Variants in GNA12 observed in about 807,000 individuals in gnomAD.
The protein encoded by GNA12 is guanine nucleotide-binding protein subunit alpha-12.
A neutral mutation model predicts 26.0 loss-of-function variants in GNA12; 9 were observed. The ratio of observed to expected loss-of-function variants is 0.35; its 90% CI spans 0.21 to 0.60. GNA12 has a LOEUF of 0.60. GNA12 is among the 20% of genes least tolerant of loss of function. The probability of loss-of-function intolerance (pLI) is 0.78; values close to 1 mark genes in which losing one functional copy is unlikely to be tolerated. For synonymous variants in GNA12, 264 were observed against 219.6 expected, an observed-to-expected ratio of 1.20 and a Z score of -1.79; for missense variants, 405 against 525.8, an observed-to-expected ratio of 0.77 and a Z score of 2.25.
chr7:2,742,877 C>G (rs1790579475), intron 2 of GNA12, among the ~76,000 whole-genome samples: 1 of 152,202 alleles, frequency 6.6e-6, no homozygotes. Flanking sequence ...TGTATATTGG[C>G]TTGTGCCTAG....
At chr7:2,772,409 AATT>A (rs1791971365) in intron 2 of GNA12, among the ~76,000 whole-genome samples, 1 of 152,040 alleles carries the variant, frequency 6.6e-6, no homozygotes, top group African/African-American at 2.4e-5. Context: ...AAATGCAAAA[AATT>A]AGCCGGGCGT....
Position 2,844,297 on chromosome 7 carries a change from A to C in GNA12, c.-136T>G. On this transcript the variant is annotated 5_prime_UTR_variant, in exon 1 of 4. Coordinates refer to ENST00000275364, the MANE Select transcript of GNA12 (RefSeq NM_007353.3). ...AGGCCGCGTCCGCCGCCGCCGCTGC[A>C]GTCGCTCCGAGGCCCGCACTCGTCG... is the stretch of plus-strand genomic sequence containing the variant. The C allele has an allele frequency of 3.6e-6, 1 of 275,918 alleles. No individual in the cohort carries two copies. The highest frequency in any genetic ancestry group is 5.5e-6 in the Non-Finnish European group (1 of 182,536). 17.1% of individuals were successfully genotyped at this position (275,918 alleles called of 1,614,324 possible).
chr7:2,740,318 G>A (rs766309373), intron 2 of GNA12, among the ~76,000 whole-genome samples: 23 of 152,122 alleles, frequency 1.5e-4, no homozygotes, highest in Non-Finnish European at 3.1e-4. Flanking sequence ...ACTTTGGGAG[G>A]TGACTGAAGG....
chr7:2,782,782 G>A (rs7811164), intron 2 of GNA12, among the ~76,000 whole-genome samples: 23,109 of 151,714 alleles, frequency 0.15, 2,005 homozygotes, highest in African/African-American at 0.22. Flanking sequence ...AGTGTTAAAC[G>A]TGCATTACAC....
chr7:2,832,250 T>C (rs1583316130), intron 1 of GNA12, among the ~76,000 whole-genome samples: 1 of 152,200 alleles, frequency 6.6e-6, no homozygotes, highest in African/African-American at 2.4e-5. Context: ...TGTCCTCCCG[T>C]TGTGTTTCCT....
chr7:2,832,569 CGGCTT>C (rs1778708783), intron 1 of GNA12, among the ~76,000 whole-genome samples: 1 of 152,096 alleles, frequency 6.6e-6, no homozygotes, highest in Non-Finnish European at 1.5e-5. Context: ...AGTTTCTGTT[CGGCTT>C]GGCTTAAGTA....
intron 2 of GNA12, chr7:2,763,014 G>T: frequency 5.5e-6 from 7 of 1,277,028 alleles, no homozygotes; most frequent in Non-Finnish European, 6.9e-6. Flanking sequence ...CAACAGCCCC[G>T]CCGGCCACTG....
At chr7:2,840,600 T>C (rs1778964158) in intron 1 of GNA12, among the ~76,000 whole-genome samples, 2 of 152,226 alleles carry the variant, frequency 1.3e-5, no homozygotes, top group South Asian at 2.1e-4. Context: ...ATTTCACACA[T>C]GTAATCCCAG....
chr7:2,839,727 G>C lies in GNA12; in HGVS notation c.309+4126C>G, dbSNP rs536366544. On this transcript the variant is annotated intron_variant, in intron 1 of 3. Transcript: ENST00000275364. ...CAAAATTATCGAATTAAAGAACAGA[G>C]GCGGGGCACGGCGTCTCACATCTGG... Among the ~76,000 whole-genome samples the C allele has an allele frequency of 2.6e-5, 4 of 152,316 alleles. No homozygotes were observed. The South Asian group carries it at 8.3e-4, about 32-fold the overall frequency.
intron 2 of GNA12, chr7:2,762,915 A>C: frequency 7.1e-7 from 1 of 1,411,754 alleles, no homozygotes; most frequent in Non-Finnish European, 9.3e-7. Context: ...AGAAGAGGCC[A>C]CAGGCGGGGA....
intron 3 of GNA12, among the ~76,000 whole-genome samples, chr7:2,733,021 A>G (rs986997576): frequency 2.6e-5 from 4 of 152,118 alleles, no homozygotes; most frequent in African/African-American, 9.7e-5. Context: ...TGCGGTTGTC[A>G]TTTTTCGTCT....
At chr7:2,769,944 T>A (rs1791906753) in intron 2 of GNA12, among the ~76,000 whole-genome samples, 1 of 152,188 alleles carries the variant, frequency 6.6e-6, no homozygotes, top group South Asian at 2.1e-4. Flanking sequence ...AGTGTTTTTG[T>A]TTTTTTAAAT....
At position 2,844,053 on chromosome 7, in the gene GNA12, G is replaced by A. The variant is rs991432234; in HGVS notation, c.109C>T (p.Arg37Trp). The A allele has an allele frequency of 6.7e-5, 84 of 1,246,036 alleles. No homozygotes were observed. The highest frequency in any genetic ancestry group is 7.8e-5 in the Non-Finnish European group (77 of 990,600). 77.2% of individuals were successfully genotyped at this position (1,246,036 alleles called of 1,614,324 possible). Residue 37 changes from arginine (R) to tryptophan (W), a missense_variant, in exon 1 of 4, where the codon CGG (arginine) becomes TGG (tryptophan). Coordinates refer to ENST00000275364, the MANE Select transcript of GNA12 (RefSeq NM_007353.3). ...SGARDAEREA[R>W]RRSRDIDALL... ...GCGTCGATGTCGCGGCTACGCCTCC[G>A]GGCCTCGCGCTCCGCGTCGCGCGCG...
intron 2 of GNA12, among the ~76,000 whole-genome samples, chr7:2,766,050 T>C (rs1791793472): frequency 1.3e-5 from 2 of 152,198 alleles, no homozygotes; most frequent in Non-Finnish European, 2.9e-5. Flanking sequence ...ATTAACGTTG[T>C]TGTGAAACCG....
intron 1 of GNA12, among the ~76,000 whole-genome samples, chr7:2,797,082 G>C (rs980267783): frequency 1.3e-5 from 2 of 152,220 alleles, no homozygotes; most frequent in Non-Finnish European, 2.9e-5. Flanking sequence ...ACTCAGGCCA[G>C]CTGAGAGCAG....
At chr7:2,836,235 G>C (rs916864644) in intron 1 of GNA12, among the ~76,000 whole-genome samples, 1 of 152,182 alleles carries the variant, frequency 6.6e-6, no homozygotes, top group African/African-American at 2.4e-5. Context: ...GCACAACTGT[G>C]ATCAAGATGG....
At chr7:2,790,460 T>C (rs149540240) in intron 2 of GNA12, among the ~76,000 whole-genome samples, 2 of 152,340 alleles carry the variant, frequency 1.3e-5, no homozygotes, top group Non-Finnish European at 2.9e-5. Context: ...TTTGCTTGCA[T>C]GTCTGTCTGT....
chr7:2,785,811 C>A (rs1034340368), intron 2 of GNA12, among the ~76,000 whole-genome samples: 1 of 152,200 alleles, frequency 6.6e-6, no homozygotes, highest in African/African-American at 2.4e-5. Context: ...CTTTGGGAGA[C>A]TGAGGTGGGT....
rs143376361 is a variant in GNA12, at chr7:2,805,850, A to G, written c.310-10707T>C. On this transcript the variant is annotated intron_variant, in intron 1 of 3. Transcript: ENST00000275364. The stretch of plus-strand genomic sequence containing the variant: ...ATCTACGCTATCTTGGCAGCCCAGC[A>G]AGAGACCATCTAATGGTGGCTCTGT... Among the ~76,000 whole-genome samples, 200 of 152,324 alleles carry G rather than the reference A, an allele frequency of 1.3e-3. 2 individuals are homozygous for G. Among genetic ancestry groups the G allele is most frequent in the African/African-American group, 4.5e-3 (186 of 41,582 alleles).
Sources: allele counts gnomAD v4.1 joint callset (sites outside exome capture counted in the v4.1 genomes callset), GRCh38; gene constraint gnomAD v4.1.1; transcripts MANE v1.5; gene names NCBI Gene and HGNC (gene_info 2026-07-23, HGNC 2026-07-21).